Variants in CNTN4 observed in about 807,000 individuals in gnomAD.
CNTN4 encodes contactin 4, also known as contactin-4.
CNTN4 carries 77 observed loss-of-function variants against 122.5 expected under a neutral mutation model. The observed-to-expected ratio is 0.63, with a 90% CI of 0.52 to 0.76. The LOEUF (loss-of-function observed/expected upper bound fraction) is 0.76. Among genes scored for constraint, CNTN4 ranks in the 30% least tolerant of loss-of-function variants. CNTN4 has a pLI of 0.00. For synonymous variants in CNTN4, 512 were observed against 447.0 expected (o/e 1.15, Z -1.83); for missense variants, 1,256 against 1,259.1 (o/e 1.00, Z 0.04).
At chr3:2,441,453 ACT>A (rs1433881606) in intron 3 of CNTN4, among the ~76,000 whole-genome samples, 8 of 152,108 alleles carry the variant, frequency 5.3e-5, no homozygotes. Context: ...CCCGAAAGAG[ACT>A]CTTGTTCATG....
intron 16 of CNTN4, among the ~76,000 whole-genome samples, chr3:3,032,493 G>A (rs1438826445): frequency 6.6e-6 from 1 of 152,196 alleles, no homozygotes; most frequent in Non-Finnish European, 1.5e-5. Flanking sequence ...AAATTAATGT[G>A]CCATTTAAAA....
intron 3 of CNTN4, among the ~76,000 whole-genome samples, chr3:2,520,400 G>A (rs6780636): frequency 0.14 from 20,384 of 150,894 alleles, 2,141 homozygotes; most frequent in East Asian, 0.44. Flanking sequence ...AGCCTCCTGG[G>A]TAGCTGGGAT....
At chr3:2,507,761 A>G (rs1357749774) in intron 3 of CNTN4, among the ~76,000 whole-genome samples, 3 of 149,426 alleles carry the variant, frequency 2.0e-5, no homozygotes, top group Non-Finnish European at 3.0e-5. Context: ...GAAAGAAAGA[A>G]AAAAGAAAAT....
intron 3 of CNTN4, among the ~76,000 whole-genome samples, chr3:2,339,895 TAAG>T (rs1471136033): frequency 2.6e-5 from 4 of 152,300 alleles, no homozygotes; most frequent in South Asian, 4.1e-4. Context: ...TGAAGGCTCT[TAAG>T]GAGGAATCTC....
chr3:2,928,752 C>G (rs2094495008), intron 13 of CNTN4, among the ~76,000 whole-genome samples: 1 of 152,178 alleles, frequency 6.6e-6, no homozygotes, highest in South Asian at 2.1e-4. Context: ...TTGCTAAACT[C>G]TTACTTATTG....
At chr3:2,627,784 T>C (rs113438442) in intron 4 of CNTN4, among the ~76,000 whole-genome samples, 4,263 of 152,266 alleles carry the variant, frequency 0.028, 87 homozygotes, top group South Asian at 0.079. Context: ...TGAGCCACCG[T>C]GCCTGGCCAA....
intron 3 of CNTN4, among the ~76,000 whole-genome samples, chr3:2,518,669 T>C (rs758928979): frequency 3.9e-5 from 6 of 152,146 alleles, no homozygotes; most frequent in Non-Finnish European, 5.9e-5. Flanking sequence ...ATAAAACATA[T>C]AGTTTTACAG....
At chr3:2,591,819 A>C (rs938805384) in intron 4 of CNTN4, among the ~76,000 whole-genome samples, 1 of 152,162 alleles carries the variant, frequency 6.6e-6, no homozygotes, top group Non-Finnish European at 1.5e-5. Context: ...CAGGTGTAGT[A>C]GTCTGCTCTT....
chr3:2,513,402 A>T (rs2076946166), intron 3 of CNTN4, among the ~76,000 whole-genome samples: 1 of 150,952 alleles, frequency 6.6e-6, no homozygotes, highest in Non-Finnish European at 1.5e-5. Flanking sequence ...TTCTGTTCAG[A>T]AATAGGATTA....
At chr3:2,981,614 A>G (rs1694027753) in intron 13 of CNTN4, among the ~76,000 whole-genome samples, 1 of 152,178 alleles carries the variant, frequency 6.6e-6, no homozygotes, top group Admixed American at 6.5e-5. Flanking sequence ...CTAAGTTGGT[A>G]GAAGATCCAA....
chr3:2,964,272 C>T (rs1295114373), intron 13 of CNTN4, among the ~76,000 whole-genome samples: 1 of 152,120 alleles, frequency 6.6e-6, no homozygotes, highest in African/African-American at 2.4e-5. Flanking sequence ...AATTTTTAGC[C>T]ACCACTGAGA....
At chr3:2,318,591 C>G (rs1012316017) in intron 2 of CNTN4, among the ~76,000 whole-genome samples, 24 of 152,044 alleles carry the variant, frequency 1.6e-4, no homozygotes, top group African/African-American at 5.8e-4. Flanking sequence ...AGTACTGTCT[C>G]TGTGTGCAGA....
At chr3:2,667,515 C>T (rs1326557026) in intron 4 of CNTN4, among the ~76,000 whole-genome samples, 1 of 152,080 alleles carries the variant, frequency 6.6e-6, no homozygotes, top group African/African-American at 2.4e-5. Flanking sequence ...GAGTAGATTA[C>T]AAAAATTTTC....
At chr3:2,573,928 T>G (rs2079540027) in intron 4 of CNTN4, among the ~76,000 whole-genome samples, 1 of 152,178 alleles carries the variant, frequency 6.6e-6, no homozygotes, top group Non-Finnish European at 1.5e-5. Flanking sequence ...TTTTTTAAAC[T>G]GCTTTAGGCC....
chr3:2,342,090 T>G (rs565101866), intron 3 of CNTN4, among the ~76,000 whole-genome samples: 1 of 152,364 alleles, frequency 6.6e-6, no homozygotes, highest in Admixed American at 6.5e-5. Context: ...GTTCTTATTA[T>G]ATATCCATCA....
chr3:2,540,264 G>T (rs2077980427), intron 3 of CNTN4, among the ~76,000 whole-genome samples: 1 of 152,042 alleles, frequency 6.6e-6, no homozygotes, highest in South Asian at 2.1e-4. Context: ...GGTGTATGTG[G>T]TTGAATGGTA....
intron 18 of CNTN4, among the ~76,000 whole-genome samples, chr3:3,038,156 C>T (rs190337786): frequency 1.1e-4 from 16 of 152,276 alleles, no homozygotes; most frequent in African/African-American, 3.9e-4. Flanking sequence ...CCAGTGAGAC[C>T]TTTTTAAATG....
intron 3 of CNTN4, among the ~76,000 whole-genome samples, chr3:2,400,131 T>G (rs1393424999): frequency 6.6e-6 from 1 of 151,940 alleles, no homozygotes; most frequent in Non-Finnish European, 1.5e-5. Flanking sequence ...TTCTTCTGCC[T>G]TCAGTAATGC....
chr3:2,263,205 A>G (rs768077592), intron 2 of CNTN4, among the ~76,000 whole-genome samples: 6 of 152,166 alleles, frequency 3.9e-5, no homozygotes, highest in Non-Finnish European at 7.4e-5. Context: ...CCTATATTTT[A>G]AAACACTGTT....
Sources: allele counts gnomAD v4.1 joint callset (sites outside exome capture counted in the v4.1 genomes callset), GRCh38; gene constraint gnomAD v4.1.1; transcripts MANE v1.5; gene names NCBI Gene and HGNC (gene_info 2026-07-23, HGNC 2026-07-21).